The following FRYL variants were observed in gnomAD, a reference collection of about 807,000 sequenced individuals.
FRYL encodes the protein FRY like transcription coactivator, also known as protein furry homolog-like.
Under a neutral mutation model 351.2 loss-of-function variants are expected in FRYL, and 150 were observed. That is an observed-to-expected ratio of 0.43 (90% CI 0.37 to 0.49). The LOEUF (loss-of-function observed/expected upper bound fraction) is 0.49, where lower values mean the gene tolerates loss of function less well. Ranked by LOEUF, FRYL falls within the 20% of genes least tolerant of loss-of-function variation. The pLI, the probability that FRYL is intolerant of heterozygous loss-of-function variation, is 0.00. For synonymous variants in FRYL, 1,153 were observed against 1,257.1 expected (o/e 0.92, Z 1.75); for missense variants, 3,036 against 3,619.3 (o/e 0.84, Z 4.13).
In FRYL at chr4:48,595,957, T is replaced by C. The variant is rs1271513047; in HGVS notation, c.1079A>G (p.Tyr360Cys). The C allele has an allele frequency of 2.5e-6, 4 of 1,606,060 alleles. No individual in the cohort carries two copies. Among genetic ancestry groups the C allele is most frequent in the Non-Finnish European group, 3.4e-6 (4 of 1,177,256 alleles). ...KMSRVALESL[Y>C]RLLWVYVIRI... ...AATTACATAAACCCACAATAATCTA[T>C]ACAAAGATTCCAGTGCAACTCGAGA... Residue 360 changes from tyrosine (Y) to cysteine (C), a missense_variant, in exon 14 of 64, where the codon TAT becomes TGT. Physicochemically the swap from Tyr to Cys is radical, Grantham distance 194. Coordinates refer to ENST00000358350, the MANE Select transcript of FRYL (RefSeq NM_015030.2).
Position 48,543,962 on chromosome 4 carries a change from C to T in FRYL, c.5437G>A (p.Ala1813Thr), listed in dbSNP as rs1730777793. ...IHLEHHLSEV[A>T]LQTALSCSSR... is the part of the protein sequence containing the mutation. The stretch of plus-strand genomic sequence containing the variant: ...GAACAGGAAAGTGCTGTTTGCAGAG[C>T]AACTTCACTAAGATGATGTTCCAGA... Residue 1813 changes from alanine (A) to threonine (T), a missense_variant, in exon 44 of 64, where the codon GCT (alanine) becomes ACT (threonine). By Grantham distance (58) the Ala-to-Thr change is moderately conservative. Coordinates refer to ENST00000358350, the MANE Select transcript of FRYL (RefSeq NM_015030.2). The T allele has an allele frequency of 1.9e-6, 3 of 1,613,758 alleles. No individual in the cohort carries two copies. Among genetic ancestry groups the T allele is most frequent in the East Asian group, 4.5e-5 (2 of 44,868 alleles).
At chr4:48,693,435 T>C (rs560994035) in intron 2 of FRYL, among the ~76,000 whole-genome samples, 2 of 152,276 alleles carry the variant, frequency 1.3e-5, no homozygotes, top group African/African-American at 4.8e-5. Flanking sequence ...AATGGTTTCA[T>C]AAATGTTTGA....
intron 18 of FRYL, 77 bp downstream of exon 18, chr4:48,589,668 A>G (rs1742853987): frequency 2.9e-6 from 4 of 1,369,622 alleles, no homozygotes. Context: ...CCAAGTAAGG[A>G]GACAGGTAAG....
At chr4:48,608,698 T>C (rs1288905664) in intron 9 of FRYL, among the ~76,000 whole-genome samples, 3 of 152,184 alleles carry the variant, frequency 2.0e-5, no homozygotes, top group Non-Finnish European at 4.4e-5. Context: ...TCTAACAGAA[T>C]TGTTAAAAAT....
intron 3 of FRYL, among the ~76,000 whole-genome samples, chr4:48,668,728 G>T (rs1421783602): frequency 1.3e-5 from 2 of 152,160 alleles, no homozygotes; most frequent in African/African-American, 4.8e-5. Context: ...CTGAGGCTAG[G>T]CGGTGAGGAA....
chr4:48,747,036 G>A (rs1258410876), intron 1 of FRYL, among the ~76,000 whole-genome samples: 3 of 152,188 alleles, frequency 2.0e-5, no homozygotes, highest in Non-Finnish European at 2.9e-5. Context: ...TATTGATACT[G>A]AGGACAGGCC....
At chr4:48,739,400 C>CA (rs1370572101) in intron 1 of FRYL, among the ~76,000 whole-genome samples, 65 of 33,604 alleles carry the variant, frequency 1.9e-3, no homozygotes, top group African/African-American at 3.6e-3. Flanking sequence ...GACTCCGTCT[C>CA]AAAAAAAAAA....
intron 1 of FRYL, among the ~76,000 whole-genome samples, chr4:48,773,279 C>T (rs1269259015): frequency 1.3e-5 from 2 of 152,068 alleles, no homozygotes; most frequent in Non-Finnish European, 2.9e-5. Flanking sequence ...TAGTGATCAG[C>T]CAATCAATAA....
intron 53 of FRYL, among the ~76,000 whole-genome samples, chr4:48,524,810 G>A (rs563745233): frequency 2.9e-4 from 44 of 152,042 alleles, no homozygotes; most frequent in Non-Finnish European, 4.6e-4. Flanking sequence ...TAAACAAGAG[G>A]CAAACAAAAA....
intron 13 of FRYL, among the ~76,000 whole-genome samples, chr4:48,599,577 A>C (rs544450546): frequency 4.7e-4 from 71 of 152,288 alleles, no homozygotes; most frequent in Non-Finnish European, 7.9e-4. Flanking sequence ...TGTTTTCTTA[A>C]AATATTCAGT....
At chr4:48,559,348 G>A (rs1477530886) in intron 33 of FRYL, among the ~76,000 whole-genome samples, 7 of 151,228 alleles carry the variant, frequency 4.6e-5, no homozygotes, top group Non-Finnish European at 7.4e-5. Flanking sequence ...CCTGGAGGGA[G>A]ATGAGATGAT....
rs561853535 is a variant in FRYL, at chr4:48,756,856, G to C, written c.-384+23222C>G. On this transcript the variant is annotated intron_variant, in intron 1 of 63. Transcript: ENST00000358350. The stretch of plus-strand genomic sequence containing the variant: ...CAAGCTACTTGGGAGGCTGAAGTGG[G>C]AGGACTGCTCAAGCCCAGGAGGTTG... 2.2e-3 allele frequency among the ~76,000 whole-genome samples: 342 copies of C among 152,324 alleles called. 2 individuals carry two copies. The highest frequency in any genetic ancestry group is 7.7e-3 in the African/African-American group (321 of 41,574).
chr4:48,588,270 T>A (rs1455514719), intron 18 of FRYL, among the ~76,000 whole-genome samples: 2 of 152,178 alleles, frequency 1.3e-5, no homozygotes, highest in African/African-American at 2.4e-5. Context: ...AAAAGTAACA[T>A]CACTGTGTAG....
chr4:48,683,274 T>C (rs1308258298), intron 3 of FRYL, among the ~76,000 whole-genome samples: 2 of 106,058 alleles, frequency 1.9e-5, no homozygotes, highest in African/African-American at 7.4e-5. Flanking sequence ...TGTCAGGGGG[T>C]GGGGGGCTAG....
intron 3 of FRYL, among the ~76,000 whole-genome samples, chr4:48,666,383 GTAAATAAATAAA>G (rs140443013): frequency 0.41 from 62,078 of 149,998 alleles, 14,109 homozygotes; most frequent in Admixed American, 0.56. Flanking sequence ...TAAATAAAAA[GTAAATAAATAAA>G]TAAATAAATA....
At position 48,609,781 on chromosome 4, in the gene FRYL, G is replaced by C; in HGVS notation, c.454C>G (p.Leu152Val). 6.3e-7 allele frequency: 1 copy of C among 1,594,462 alleles called. No homozygotes were observed. The highest frequency in any genetic ancestry group is 8.6e-7 in the Non-Finnish European group (1 of 1,167,564). The part of the protein sequence containing the change: ...PVPDPLVHEV[L>V]NLAFKHFKHK... ...TTAAAGTGCTTAAAAGCTAAGTTTA[G>C]AACTTCATGAACTAAGGGATCGGGT... is the stretch of plus-strand genomic sequence containing the variant. Residue 152 changes from leucine (L) to valine (V), a missense_variant, in exon 8 of 64, where the codon CTA (leucine) becomes GTA (valine). Transcript: ENST00000358350.
intron 53 of FRYL, among the ~76,000 whole-genome samples, chr4:48,526,729 T>C (rs1296355770): frequency 6.6e-6 from 1 of 152,138 alleles, no homozygotes; most frequent in Non-Finnish European, 1.5e-5. Context: ...CTGGACTAGT[T>C]TTGTGGGCTA....
Position 48,605,589 on chromosome 4 carries a change from G to C in FRYL, c.834+152C>G, listed in dbSNP as rs1200478307. ...CATTGTATGATCAACAAAAGGAAGA[G>C]ACCTCTGAGCAACAGGGAGCAAATG... is the stretch of plus-strand genomic sequence containing the variant. On this transcript the variant is annotated intron_variant, in intron 11 of 63. Coordinates refer to ENST00000358350, the MANE Select transcript of FRYL (RefSeq NM_015030.2). 3 of 605,738 alleles carry C rather than the reference G, an allele frequency of 5.0e-6. No homozygotes were observed. In the Admixed American group the frequency reaches 1.1e-4, roughly 22 times the overall value. 37.5% of individuals were successfully genotyped at this position (605,738 alleles called of 1,614,324 possible).
intron 54 of FRYL, among the ~76,000 whole-genome samples, chr4:48,522,020 G>C (rs1360897407): frequency 1.3e-5 from 2 of 152,130 alleles, no homozygotes; most frequent in Non-Finnish European, 2.9e-5. Flanking sequence ...GCTCATGCCT[G>C]TGATCCTGCC....
Sources: gnomAD v4.1 joint callset for allele counts (sites outside exome capture counted in the v4.1 genomes callset) on GRCh38, gnomAD v4.1.1 for gene constraint, MANE v1.5 for transcripts, NCBI Gene and HGNC (gene_info 2026-07-23, HGNC 2026-07-21) for gene names.